DNAH9: variants seen among roughly 807,000 people sequenced by gnomAD.
DNAH9 encodes dynein axonemal heavy chain 9.
DNAH9 carries 345 observed loss-of-function variants against 471.6 expected under a neutral mutation model. The observed-to-expected ratio is 0.73, with a 90% confidence interval of 0.67 to 0.80. The LOEUF (loss-of-function observed/expected upper bound fraction) is 0.80, where lower values mean the gene tolerates loss of function less well. DNAH9 is among the 30% of genes least tolerant of loss of function. DNAH9 has a pLI of 0.00. For synonymous variants in DNAH9, 2,093 were observed against 2,123.6 expected (o/e 0.99, Z 0.40); for missense variants, 5,407 against 5,609.2 (o/e 0.96, Z 1.15).
At chr17:11,725,422 A>G (rs1034240072) in intron 27 of DNAH9, among the ~76,000 whole-genome samples, 36 of 152,224 alleles carry the variant, frequency 2.4e-4, no homozygotes, top group African/African-American at 8.4e-4. Flanking sequence ...GGCATCGTCT[A>G]TCTTGTTCAC....
rs954334239 is a variant in DNAH9 at position 11,731,129 on chromosome 17, C to T, written c.5814+3207C>T. Reference sequence around the variant, plus strand: ...GTCATGATGGTGGTGGCAGTGATGACGTTGATAATGACAGTGATGATGATG... The same window carrying T: ...GTCATGATGGTGGTGGCAGTGATGATGTTGATAATGACAGTGATGATGATG... On this transcript the variant is annotated intron_variant, in intron 28 of 68. Coordinates refer to ENST00000262442, the MANE Select transcript of DNAH9 (RefSeq NM_001372.4). Among the ~76,000 whole-genome samples, 7 of 129,878 alleles carry T rather than the reference C, an allele frequency of 5.4e-5. No individual in the cohort carries two copies. In the South Asian group the frequency reaches 1.3e-3, roughly 24 times the overall value. 85.2% of individuals were successfully genotyped at this position (129,878 alleles called of 152,430 possible).
At chr17:11,600,549 T>C (rs2072363193) in intron 1 of DNAH9, among the ~76,000 whole-genome samples, 1 of 152,076 alleles carries the variant, frequency 6.6e-6, no homozygotes, top group African/African-American at 2.4e-5. Context: ...TGAAAGAGAT[T>C]GGAGACAAAC....
chr17:11,807,003 G>A (rs973582145), intron 43 of DNAH9, among the ~76,000 whole-genome samples: 32 of 152,150 alleles, frequency 2.1e-4, no homozygotes, highest in Admixed American at 2.0e-4. Context: ...CTCTGAAGAA[G>A]ATGAGGTCTG....
chr17:11,751,325 T>C (rs1410562760), intron 32 of DNAH9, among the ~76,000 whole-genome samples: 2 of 151,930 alleles, frequency 1.3e-5, no homozygotes, highest in Non-Finnish European at 2.9e-5. Flanking sequence ...AAAAACCCAA[T>C]GTTACTCATT....
chr17:11,797,399 A>G (rs1165915551), intron 42 of DNAH9, among the ~76,000 whole-genome samples, 198 bp from the exon 43 acceptor site: 2 of 152,054 alleles, frequency 1.3e-5, no homozygotes, highest in Non-Finnish European at 2.9e-5. Context: ...AATAACAAAC[A>G]TCACCTGAGA....
intron 49 of DNAH9, among the ~76,000 whole-genome samples, chr17:11,841,641 A>G (rs746540328): frequency 5.9e-5 from 9 of 152,184 alleles, no homozygotes; most frequent in Non-Finnish European, 1.2e-4. Context: ...ATAAGCTGTC[A>G]ATTTACATTG....
At chr17:11,887,960 CTG>C (rs1972928900) in intron 57 of DNAH9, among the ~76,000 whole-genome samples, 1 of 151,564 alleles carries the variant, frequency 6.6e-6, no homozygotes, top group Non-Finnish European at 1.5e-5. Flanking sequence ...ATTGGATGAA[CTG>C]TGTTTATAAT....
chr17:11,771,897 T>C (rs1968221544), intron 38 of DNAH9, among the ~76,000 whole-genome samples: 1 of 152,220 alleles, frequency 6.6e-6, no homozygotes, highest in Non-Finnish European at 1.5e-5. Flanking sequence ...ACTTCTTAAA[T>C]CTTGTACAGC....
intron 67 of DNAH9, among the ~76,000 whole-genome samples, chr17:11,947,986 C>T (rs1975201799): frequency 6.6e-6 from 1 of 151,770 alleles, no homozygotes; most frequent in Non-Finnish European, 1.5e-5. Context: ...AGGCTGGTCT[C>T]AAACTCCTGA....
At chr17:11,841,704 A>G (rs1257767458) in intron 49 of DNAH9, among the ~76,000 whole-genome samples, 3 of 152,130 alleles carry the variant, frequency 2.0e-5, no homozygotes, top group Non-Finnish European at 2.9e-5. Flanking sequence ...GGGGCCCACA[A>G]GGAATTTCCT....
rs968437517 is a variant in DNAH9, at chr17:11,638,490, T to G, written c.1786+1706T>G. On this transcript the variant is annotated intron_variant, in intron 9 of 68. Transcript: ENST00000262442. ...ATCTCTGCATTCCCAGTTCAAGTGA[T>G]TCTCCTGCCTCAGCTTCCAGAGTAG... 3.3e-5 allele frequency among the ~76,000 whole-genome samples: 5 copies of G among 152,302 alleles called. No homozygotes were observed. The South Asian group carries it at 6.2e-4, about 19-fold the overall frequency.
intron 63 of DNAH9, 137 bp from the exon 64 acceptor site, chr17:11,931,877 A>T: frequency 1.1e-6 from 1 of 911,184 alleles, no homozygotes; most frequent in Non-Finnish European, 1.7e-6. Flanking sequence ...CCCAGGCTGT[A>T]GTCTCGCTGT....
chr17:11,901,868 T>C (rs894350397), intron 59 of DNAH9, among the ~76,000 whole-genome samples: 1 of 152,218 alleles, frequency 6.6e-6, no homozygotes, highest in African/African-American at 2.4e-5. Context: ...TTGGACAAGC[T>C]TGCTCTAAGT....
At chr17:11,955,634 A>G (rs994579133) in intron 67 of DNAH9, among the ~76,000 whole-genome samples, 1 of 152,260 alleles carries the variant, frequency 6.6e-6, no homozygotes, top group Non-Finnish European at 1.5e-5. Flanking sequence ...ATGGTGCTGT[A>G]GTAAGAATAC....
At chr17:11,665,705 T>C (rs2073853972) in intron 15 of DNAH9, among the ~76,000 whole-genome samples, 1 of 152,176 alleles carries the variant, frequency 6.6e-6, no homozygotes. Context: ...AGATTCTGAG[T>C]TGCTTAGCAA....
chr17:11,759,426 T>C (rs1488550699), intron 35 of DNAH9, among the ~76,000 whole-genome samples: 1 of 152,000 alleles, frequency 6.6e-6, no homozygotes, highest in African/African-American at 2.4e-5. Context: ...GGACTCCAGT[T>C]CCATGCATGT....
chr17:11,948,183 GT>G (rs1377041807), intron 67 of DNAH9, among the ~76,000 whole-genome samples: 3 of 145,074 alleles, frequency 2.1e-5, no homozygotes, highest in Non-Finnish European at 4.5e-5. Flanking sequence ...AGCTGTTCAA[GT>G]TTTAAAGTCT....
chr17:11,936,781 T>A (rs973448993), intron 65 of DNAH9, among the ~76,000 whole-genome samples: 2 of 152,100 alleles, frequency 1.3e-5, no homozygotes, highest in Non-Finnish European at 2.9e-5. Context: ...AGTTTCAAAA[T>A]TTTTTTTATT....
chr17:11,878,370 C>T (rs1001513339), intron 53 of DNAH9, among the ~76,000 whole-genome samples: 7 of 151,780 alleles, frequency 4.6e-5, no homozygotes, highest in African/African-American at 1.5e-4. Context: ...AAAATTTGTT[C>T]GTCTCATTTG....
Sources: allele counts gnomAD v4.1 joint callset (sites outside exome capture counted in the v4.1 genomes callset), GRCh38; gene constraint gnomAD v4.1.1; transcripts MANE v1.5; gene names NCBI Gene and HGNC (gene_info 2026-07-23, HGNC 2026-07-21).